The following SSPN variants were observed in gnomAD, a reference collection of about 807,000 sequenced individuals.
The protein encoded by SSPN is sarcospan.
In SSPN, 15 loss-of-function variants were observed where a neutral mutation model predicts 19.1. That is an observed-to-expected ratio of 0.78 (90% CI 0.52 to 1.21). The LOEUF is 1.21. Ranked by LOEUF, SSPN falls within the 50% of genes most tolerant of loss-of-function variation. The pLI, the probability that SSPN is intolerant of heterozygous loss-of-function variation, is 0.00. For synonymous variants in SSPN, 147 were observed against 140.3 expected (o/e 1.05, Z -0.34); for missense variants, 291 against 314.0 (o/e 0.93, Z 0.55).
At chr12:26,139,900 A>G (rs1216339629) in intron 1 of SSPN, among the ~76,000 whole-genome samples, 1 of 152,168 alleles carries the variant, frequency 6.6e-6, no homozygotes, top group East Asian at 1.9e-4. Flanking sequence ...CTTTGCCAGC[A>G]CTAGGTGCTA....
chr12:26,213,632 G>T (rs1210221970), intron 1 of SSPN, among the ~76,000 whole-genome samples: 4 of 151,874 alleles, frequency 2.6e-5, no homozygotes, highest in African/African-American at 9.7e-5. Flanking sequence ...GATGCATGTT[G>T]TTGAAATAAC....
At chr12:26,192,037 G>A (rs976561141), upstream of SSPN, among the ~76,000 whole-genome samples, 1 of 152,092 alleles carries the variant, frequency 6.6e-6, no homozygotes, top group Non-Finnish European at 1.5e-5. Context: ...AAGACATTTT[G>A]TTAATCACAC....
chr12:26,209,706 T>C (rs1400764492), intron 1 of SSPN, among the ~76,000 whole-genome samples: 1 of 152,084 alleles, frequency 6.6e-6, no homozygotes, highest in Non-Finnish European at 1.5e-5. Flanking sequence ...TTCAGTTCCT[T>C]CCTTCATGTG....
At chr12:26,180,813 C>A (rs1310524764) in intron 1 of SSPN, 3 of 152,132 alleles carry the variant, frequency 2.0e-5, no homozygotes, top group Non-Finnish European at 4.4e-5. Flanking sequence ...TGTTGAATCT[C>A]CAAGCTAAAG....
intron 1 of SSPN, among the ~76,000 whole-genome samples, chr12:26,211,010 G>A (rs1162753899): frequency 6.6e-6 from 1 of 152,108 alleles, no homozygotes; most frequent in Non-Finnish European, 1.5e-5. Context: ...TGTGGGTAGT[G>A]GGAATAGCTG....
chr12:26,228,509 T>G (rs1945199736), intron 2 of SSPN, among the ~76,000 whole-genome samples: 1 of 152,112 alleles, frequency 6.6e-6, no homozygotes, highest in Non-Finnish European at 1.5e-5. Flanking sequence ...TTTGGGGCCA[T>G]TCTACTAAGC....
chr12:26,147,225 A>G (rs1041572785), intron 1 of SSPN, among the ~76,000 whole-genome samples: 2 of 152,124 alleles, frequency 1.3e-5, no homozygotes, highest in African/African-American at 4.8e-5. Flanking sequence ...GCAATATGCA[A>G]TGAAGCTAGG....
At position 26,210,949 on chromosome 12, in the gene SSPN, G is replaced by A. The variant is rs562485117; in HGVS notation, c.280-13344G>A. Among the ~76,000 whole-genome samples the A allele has an allele frequency of 2.6e-5, 4 of 152,120 alleles. No individual in the cohort carries two copies. The East Asian group carries it at 7.7e-4, about 29-fold the overall frequency. On this transcript the variant is annotated intron_variant, in intron 1 of 2. Transcript: ENST00000242729. ...TTTTTTACTTTATTGCATTGTTTGG[G>A]GGAAAATGAGCTAATGTATAAAAAG...
At chr12:26,218,976 G>T (rs1320463762) in intron 1 of SSPN, among the ~76,000 whole-genome samples, 1 of 152,178 alleles carries the variant, frequency 6.6e-6, no homozygotes, top group Non-Finnish European at 1.5e-5. Context: ...TGAGAAGAGA[G>T]TTCATCTTGT....
At chr12:26,202,818 A>G (rs1944898117) in intron 1 of SSPN, among the ~76,000 whole-genome samples, 3 of 152,222 alleles carry the variant, frequency 2.0e-5, no homozygotes, top group Admixed American at 1.3e-4. Flanking sequence ...AGTTCAGCAT[A>G]TATGTTTCTA....
intron 1 of SSPN, among the ~76,000 whole-genome samples, chr12:26,148,422 G>A (rs1944505789): frequency 6.6e-6 from 1 of 152,226 alleles, no homozygotes; most frequent in South Asian, 2.1e-4. Context: ...CCTGTTGAAT[G>A]CTTTAGAACT....
At chr12:26,137,784 C>A (rs989609992) in intron 1 of SSPN, among the ~76,000 whole-genome samples, 1 of 149,836 alleles carries the variant, frequency 6.7e-6, no homozygotes, top group Non-Finnish European at 1.5e-5. Context: ...CCTACCTCAG[C>A]CTCCCGAGTA....
In SSPN at chr12:26,188,290, G is replaced by A. The variant is rs79447134; in HGVS notation, c.-30-36003G>A. 6.2e-4 allele frequency among the ~76,000 whole-genome samples: 95 copies of A among 152,170 alleles called. No homozygotes were observed. In the East Asian group the frequency reaches 0.015, roughly 24 times the overall value. Reference sequence around the variant, plus strand: ...TAGAAGTGTAGGGGAAAAAGAACACGACCCACAAGGCTTTGTCATAGGGCC... The same window carrying A: ...TAGAAGTGTAGGGGAAAAAGAACACAACCCACAAGGCTTTGTCATAGGGCC... On this transcript the variant is annotated intron_variant, in intron 1 of 2. Coordinates refer to the SSPN transcript ENST00000538142.
Position 26,224,350 on chromosome 12 carries a change from G to C in SSPN, c.337G>C (p.Glu113Gln). 1 of 1,613,736 alleles carries C rather than the reference G, an allele frequency of 6.2e-7. No individual in the cohort carries two copies. Among genetic ancestry groups the C allele is most frequent in the Non-Finnish European group, 8.5e-7 (1 of 1,179,740 alleles). The change falls in exon 2 of 3, where the codon GAA (glutamate) becomes CAA (glutamine). Residue 113 changes from glutamate to glutamine, a missense_variant. This residue lies in a region of SSPN where 141 missense variants were observed against 166.7 expected (regional missense o/e 0.85). Coordinates refer to ENST00000242729, the MANE Select transcript of SSPN (RefSeq NM_005086.5). The part of the protein sequence containing the change: ...FMLCVSYQVD[E>Q]RTCIQFSMKL... ...GCTTTGTGTCTCATATCAGGTTGAC[G>C]AACGGACATGTATTCAATTTTCTAT... is the stretch of plus-strand genomic sequence containing the variant.
chr12:26,230,594 C>G lies in SSPN; in HGVS notation c.367-117C>G, dbSNP rs761565573. ...TGTTGTGTTTCTAAGAAGAGACAGC[C>G]TTTCCATCAGAAAATTTCTGGGAGG... On this transcript the variant is annotated intron_variant, in intron 2 of 2. Coordinates refer to ENST00000242729, the MANE Select transcript of SSPN (RefSeq NM_005086.5). The G allele has an allele frequency of 3.4e-5, 42 of 1,222,006 alleles. No individual in the cohort carries two copies. In the East Asian group the frequency reaches 9.4e-4, roughly 27 times the overall value. 75.7% of individuals were successfully genotyped at this position (1,222,006 alleles called of 1,614,324 possible). A position where few individuals can be genotyped will look rare whatever the true frequency, so the allele number is the denominator to read the frequency against.
At chr12:26,194,584 C>T (rs7310232), upstream of SSPN, among the ~76,000 whole-genome samples, 73,261 of 152,086 alleles carry the variant, frequency 0.48, 18,081 homozygotes, top group Admixed American at 0.63. Context: ...CGGGGTTTCA[C>T]CATGTTGGCC....
chr12:26,173,800 A>G (rs750904760), intron 1 of SSPN, among the ~76,000 whole-genome samples: 7 of 152,176 alleles, frequency 4.6e-5, no homozygotes, highest in Non-Finnish European at 1.0e-4. Context: ...TATTGCCCTT[A>G]CCATTTTTCT....
intron 1 of SSPN, among the ~76,000 whole-genome samples, chr12:26,185,312 T>A (rs576679465): frequency 2.8e-4 from 42 of 152,298 alleles, no homozygotes; most frequent in African/African-American, 9.6e-4. Context: ...AACTTGCTTA[T>A]GGACAAAAAA....
intron 1 of SSPN, among the ~76,000 whole-genome samples, chr12:26,127,209 A>G (rs1027891329): frequency 1.3e-5 from 2 of 152,226 alleles, no homozygotes; most frequent in Non-Finnish European, 2.9e-5. Context: ...TAAAGACAAG[A>G]TCATTGCATT....
Sources: allele counts gnomAD v4.1 joint callset (sites outside exome capture counted in the v4.1 genomes callset), GRCh38; gene constraint gnomAD v4.1.1; regional missense constraint gnomAD v4.1.1; transcripts MANE v1.5; gene names NCBI Gene and HGNC (gene_info 2026-07-23, HGNC 2026-07-21).